EDIL3: variants seen among roughly 807,000 people sequenced by gnomAD.
EDIL3 encodes the protein EGF like and discoidin domains 3, also known as EGF-like repeat and discoidin I-like domain-containing protein 3.
Under a neutral mutation model 67.4 loss-of-function variants are expected in EDIL3, and 37 were observed. The observed-to-expected ratio is 0.55, with a 90% CI of 0.42 to 0.72. EDIL3 has a LOEUF of 0.72. Among genes scored for constraint, EDIL3 ranks in the 30% least tolerant of loss-of-function variants. The pLI, the probability that EDIL3 is intolerant of heterozygous loss-of-function variation, is 0.00. For missense variants in EDIL3, 527 were observed against 586.3 expected (o/e 0.90, Z 1.04); for synonymous variants, 195 against 196.3 (o/e 0.99, Z 0.05).
chr5:84,018,007 C>T (rs984665857), intron 9 of EDIL3, among the ~76,000 whole-genome samples: 1 of 152,282 alleles, frequency 6.6e-6, no homozygotes. Context: ...TCATCATGGA[C>T]ATGACCTTTC....
chr5:84,268,216 A>G (rs911755870), intron 1 of EDIL3, among the ~76,000 whole-genome samples: 3 of 152,230 alleles, frequency 2.0e-5, no homozygotes, highest in Middle Eastern at 3.4e-3. Context: ...TAATGATCCT[A>G]TCTCATGGCA....
At chr5:84,300,890 G>A (rs1442096366) in intron 1 of EDIL3, among the ~76,000 whole-genome samples, 2 of 151,620 alleles carry the variant, frequency 1.3e-5, no homozygotes, top group Non-Finnish European at 2.9e-5. Flanking sequence ...TAGAATTTAG[G>A]TATGCTGACT....
chr5:84,045,868 G>A (rs1238921486), intron 9 of EDIL3, among the ~76,000 whole-genome samples: 4 of 152,088 alleles, frequency 2.6e-5, no homozygotes, highest in Non-Finnish European at 4.4e-5. Flanking sequence ...CTTCATAAAT[G>A]AGAGACATTT....
chr5:84,217,723 C>CACACACAT (rs1744258070), intron 3 of EDIL3, among the ~76,000 whole-genome samples: 1 of 119,442 alleles, frequency 8.4e-6, no homozygotes, highest in Non-Finnish European at 1.7e-5. Context: ...TACACACAAA[C>CACACACAT]ACACACACAC....
intron 9 of EDIL3, among the ~76,000 whole-genome samples, chr5:84,030,086 T>C (rs1473860007): frequency 6.6e-6 from 1 of 152,166 alleles, no homozygotes; most frequent in Non-Finnish European, 1.5e-5. Context: ...CATCAGGACT[T>C]ACTCGGATTT....
chr5:84,190,536 CATATATAT>C (rs3836849), intron 3 of EDIL3, among the ~76,000 whole-genome samples: 119 of 135,004 alleles, frequency 8.8e-4, no homozygotes, highest in African/African-American at 3.1e-3. Flanking sequence ...AGTATTTCTA[CATATATAT>C]ATATATATGT....
intron 3 of EDIL3, among the ~76,000 whole-genome samples, chr5:84,201,819 T>G (rs1010032240): frequency 6.6e-6 from 1 of 152,088 alleles, no homozygotes; most frequent in African/African-American, 2.4e-5. Flanking sequence ...AAATAATCAG[T>G]TACATGCCAA....
chr5:84,064,465 C>A (rs1208238345), intron 8 of EDIL3, among the ~76,000 whole-genome samples: 1 of 152,034 alleles, frequency 6.6e-6, no homozygotes, highest in African/African-American at 2.4e-5. Context: ...CTTTCTTTGA[C>A]CACTCAACAA....
chr5:83,984,335 A>C (rs1745023686), intron 9 of EDIL3, among the ~76,000 whole-genome samples: 1 of 152,108 alleles, frequency 6.6e-6, no homozygotes, highest in Non-Finnish European at 1.5e-5. Flanking sequence ...TAAAGCTCTA[A>C]GTACACAGAC....
At chr5:84,239,894 C>G (rs927466986) in intron 2 of EDIL3, among the ~76,000 whole-genome samples, 4 of 152,120 alleles carry the variant, frequency 2.6e-5, no homozygotes, top group Non-Finnish European at 4.4e-5. Flanking sequence ...GAAACAATTT[C>G]CTTAGTGTCC....
chr5:84,315,747 G>A (rs1393922907), intron 1 of EDIL3, among the ~76,000 whole-genome samples: 2 of 151,986 alleles, frequency 1.3e-5, no homozygotes, highest in Admixed American at 6.6e-5. Flanking sequence ...TCAAATTCAG[G>A]AAATACAGAG....
At chr5:84,340,532 C>CTATATATATATATATA (rs1554043229) in intron 1 of EDIL3, among the ~76,000 whole-genome samples, 1 of 66,602 alleles carries the variant, frequency 1.5e-5, no homozygotes, top group Non-Finnish European at 3.3e-5. Flanking sequence ...CTCTCTCTCT[C>CTATATATATATATATA]TCTATATATA....
At chr5:84,121,220 G>A (rs573965215) in intron 5 of EDIL3, among the ~76,000 whole-genome samples, 2 of 152,066 alleles carry the variant, frequency 1.3e-5, no homozygotes, top group Admixed American at 1.3e-4. Context: ...TGCTGAAAGT[G>A]AGAAATCAAA....
In EDIL3 at chr5:83,963,240, T is replaced by C. The variant is rs1261426969; in HGVS notation, c.1258A>G (p.Thr420Ala). The C allele has an allele frequency of 5.6e-6, 9 of 1,610,102 alleles. No homozygotes were observed. The highest frequency in any genetic ancestry group is 7.6e-6 in the Non-Finnish European group (9 of 1,177,614). ...LAYSNDGEHW[T>A]VYQDEKQRKD... Reference sequence around the variant, plus strand: ...CTTTGCTTTTCATCCTGGTATACAGTCCAGTGTTCTCCATCATTGCTGTAA... The same window carrying C: ...CTTTGCTTTTCATCCTGGTATACAGCCCAGTGTTCTCCATCATTGCTGTAA... Residue 420 changes from threonine to alanine, a missense_variant, in exon 10 of 11, where the codon ACT (threonine) becomes GCT (alanine). Thr to Ala is a moderately conservative substitution (Grantham distance 58). Around this residue, in one of 2 missense-constraint regions of EDIL3, gnomAD observed 494 missense variants for 522.5 expected, o/e 0.95. Coordinates refer to ENST00000296591, the MANE Select transcript of EDIL3 (RefSeq NM_005711.5).
chr5:84,134,281 A>G (rs975825290), intron 5 of EDIL3, among the ~76,000 whole-genome samples: 2 of 152,148 alleles, frequency 1.3e-5, no homozygotes, highest in African/African-American at 2.4e-5. Flanking sequence ...AAAATGTGGT[A>G]TATCACTAGT....
At chr5:84,188,533 C>T (rs1228730346) in intron 3 of EDIL3, among the ~76,000 whole-genome samples, 1 of 151,912 alleles carries the variant, frequency 6.6e-6, no homozygotes, top group Non-Finnish European at 1.5e-5. Flanking sequence ...TCTTTATGCA[C>T]AAAGGCCCTA....
At chr5:84,072,419 C>T (rs749177077) in intron 6 of EDIL3, among the ~76,000 whole-genome samples, 1 of 151,852 alleles carries the variant, frequency 6.6e-6, no homozygotes, top group African/African-American at 2.4e-5. Context: ...CATAATTCAC[C>T]TATCAAAAAC....
At chr5:84,135,542 T>A (rs1748075338) in intron 5 of EDIL3, among the ~76,000 whole-genome samples, 1 of 152,222 alleles carries the variant, frequency 6.6e-6, no homozygotes, top group Admixed American at 6.5e-5. Flanking sequence ...CAGTGTTGAC[T>A]GAGCAGCCAT....
At chr5:84,367,838 G>A (rs1426721754) in intron 1 of EDIL3, among the ~76,000 whole-genome samples, 2 of 152,024 alleles carry the variant, frequency 1.3e-5, no homozygotes, top group African/African-American at 2.4e-5. Flanking sequence ...TTTATTTTCC[G>A]TTTCTCTCCA....
Sources: gnomAD v4.1 joint callset for allele counts (sites outside exome capture counted in the v4.1 genomes callset) on GRCh38, gnomAD v4.1.1 for gene constraint, gnomAD v4.1.1 regional missense constraint, MANE v1.5 for transcripts, NCBI Gene and HGNC (gene_info 2026-07-23, HGNC 2026-07-21) for gene names.